The following MACROD2 variants were observed in gnomAD, a reference collection of about 807,000 sequenced individuals.
MACROD2 encodes the protein mono-ADP ribosylhydrolase 2.
MACROD2 carries 36 observed loss-of-function variants against 70.4 expected under a neutral mutation model. The observed-to-expected ratio is 0.51, with a 90% CI of 0.39 to 0.68. The LOEUF (loss-of-function observed/expected upper bound fraction) is 0.68. Ranked by LOEUF, MACROD2 falls within the 30% of genes least tolerant of loss-of-function variation. The probability of loss-of-function intolerance (pLI) is 0.00; values close to 1 mark genes in which losing one functional copy is unlikely to be tolerated. For synonymous variants in MACROD2, 172 were observed against 178.8 expected, an observed-to-expected ratio of 0.96 and a Z score of 0.30; for missense variants, 496 against 538.4, an observed-to-expected ratio of 0.92 and a Z score of 0.78.
At chr20:15,464,507 C>T (rs2046859863) in intron 7 of MACROD2, among the ~76,000 whole-genome samples, 1 of 152,204 alleles carries the variant, frequency 6.6e-6, no homozygotes, top group South Asian at 2.1e-4. Flanking sequence ...AGCCAACCTG[C>T]TTCCTCACTG....
At chr20:14,325,879 G>A in intron 3 of MACROD2, 2 of 1,613,936 alleles carry the variant, frequency 1.2e-6, no homozygotes, top group East Asian at 2.2e-5. Flanking sequence ...AGCAAGAAGG[G>A]CAATGGTAAC....
At chr20:15,937,720 A>G (rs577270898) in intron 12 of MACROD2, among the ~76,000 whole-genome samples, 176 bp downstream of exon 12, 1 of 111,106 alleles carries the variant, frequency 9.0e-6, no homozygotes, top group Admixed American at 1.2e-4. Flanking sequence ...CCTAGCCTGT[A>G]TAGAAAATTT....
chr20:14,722,480 C>T (rs894898834), intron 5 of MACROD2, among the ~76,000 whole-genome samples: 1 of 152,200 alleles, frequency 6.6e-6, no homozygotes, highest in Non-Finnish European at 1.5e-5. Context: ...CTGTACTTTC[C>T]TCACACCCAC....
intron 3 of MACROD2, among the ~76,000 whole-genome samples, chr20:14,259,045 C>T (rs2082080876): frequency 1.3e-5 from 2 of 152,210 alleles, no homozygotes; most frequent in Non-Finnish European, 2.9e-5. Flanking sequence ...CGGGTTCAAG[C>T]AATTCCCCTG....
chr20:14,165,840 T>A (rs1413150860), intron 3 of MACROD2, among the ~76,000 whole-genome samples: 1 of 152,186 alleles, frequency 6.6e-6, no homozygotes, highest in Non-Finnish European at 1.5e-5. Context: ...TTAGCTATGT[T>A]ATCCTGCCTG....
chr20:15,425,350 G>T (rs1173955669), intron 6 of MACROD2, among the ~76,000 whole-genome samples: 1 of 152,178 alleles, frequency 6.6e-6, no homozygotes, highest in East Asian at 1.9e-4. Flanking sequence ...AATCCTAAAT[G>T]ATAAGAAAGC....
intron 3 of MACROD2, among the ~76,000 whole-genome samples, chr20:14,462,379 T>C (rs1256145110): frequency 6.6e-6 from 1 of 151,728 alleles, no homozygotes; most frequent in Non-Finnish European, 1.5e-5. Context: ...TTTGATGGGG[T>C]TGTTTGTTTT....
chr20:14,467,043 C>T (rs1439352323), intron 3 of MACROD2, among the ~76,000 whole-genome samples: 1 of 152,118 alleles, frequency 6.6e-6, no homozygotes, highest in Admixed American at 6.5e-5. Context: ...CTGGGAGAAC[C>T]ACTACTCTCT....
At chr20:15,835,179 C>T (rs1044695355) in intron 8 of MACROD2, among the ~76,000 whole-genome samples, 3 of 152,146 alleles carry the variant, frequency 2.0e-5, no homozygotes, top group Admixed American at 6.5e-5. Flanking sequence ...TAGCTGTAGC[C>T]TCAATATTTG....
intron 3 of MACROD2, among the ~76,000 whole-genome samples, chr20:14,479,268 G>A (rs897677868): frequency 9.2e-5 from 14 of 152,142 alleles, no homozygotes; most frequent in South Asian, 6.2e-4. Flanking sequence ...AGTCAGGTCC[G>A]TAGATCATCC....
intron 3 of MACROD2, among the ~76,000 whole-genome samples, chr20:14,276,051 T>C (rs1456299579): frequency 4.0e-5 from 6 of 151,334 alleles, no homozygotes; most frequent in Non-Finnish European, 5.9e-5. Flanking sequence ...AGTTCAACCA[T>C]TGTGGAAGTC....
intron 8 of MACROD2, among the ~76,000 whole-genome samples, chr20:15,659,554 C>A (rs1271200730): frequency 1.3e-5 from 2 of 151,768 alleles, no homozygotes; most frequent in African/African-American, 4.8e-5. Flanking sequence ...CTGGTTGCCT[C>A]CTGCTTCTCC....
At chr20:14,098,022 G>A (rs1188198123) in intron 3 of MACROD2, among the ~76,000 whole-genome samples, 1 of 152,166 alleles carries the variant, frequency 6.6e-6, no homozygotes, top group Non-Finnish European at 1.5e-5. Context: ...TCAACCTGTC[G>A]TAGAGCCTAT....
intron 3 of MACROD2, among the ~76,000 whole-genome samples, chr20:14,154,337 TG>T (rs2055063970): frequency 6.6e-6 from 1 of 151,876 alleles, no homozygotes. Context: ...GCGCTGAAAA[TG>T]GAACCTGCTG....
intron 12 of MACROD2, among the ~76,000 whole-genome samples, 184 bp downstream of exon 12, chr20:15,937,728 T>C (rs1221034325): frequency 1.7e-4 from 1 of 5,966 alleles, no homozygotes; most frequent in Non-Finnish European, 3.2e-4. Context: ...GTATAGAAAA[T>C]TTATATATAT....
chr20:14,137,192 A>C (rs1401591348), intron 3 of MACROD2, among the ~76,000 whole-genome samples: 1 of 152,070 alleles, frequency 6.6e-6, no homozygotes, highest in Non-Finnish European at 1.5e-5. Flanking sequence ...CTTACTGTTG[A>C]CCTCCAGCCA....
At chr20:15,180,325 G>T (rs367815676) in intron 5 of MACROD2, among the ~76,000 whole-genome samples, 2 of 152,242 alleles carry the variant, frequency 1.3e-5, no homozygotes, top group South Asian at 4.1e-4. Context: ...TTAGCTTTTT[G>T]CTCAGTCTAA....
intron 3 of MACROD2, among the ~76,000 whole-genome samples, chr20:14,285,472 A>G (rs1328558508): frequency 1.3e-5 from 2 of 152,126 alleles, no homozygotes; most frequent in Non-Finnish European, 2.9e-5. Context: ...CTTAACCTGT[A>G]TATTGGAAAG....
chr20:15,327,166 A>G (rs2077939284), intron 6 of MACROD2, among the ~76,000 whole-genome samples: 1 of 152,158 alleles, frequency 6.6e-6, no homozygotes, highest in African/African-American at 2.4e-5. Flanking sequence ...GATTGGAGGA[A>G]AAAATGTTTT....
Sources: gnomAD v4.1 joint callset for allele counts (sites outside exome capture counted in the v4.1 genomes callset) on GRCh38, gnomAD v4.1.1 for gene constraint, MANE v1.5 for transcripts, NCBI Gene and HGNC (gene_info 2026-07-23, HGNC 2026-07-21) for gene names.